Variants in ZHX3 observed in about 807,000 individuals in gnomAD.
The protein encoded by ZHX3 is zinc fingers and homeoboxes protein 3.
ZHX3 carries 20 observed loss-of-function variants against 64.5 expected under a neutral mutation model. That is an observed-to-expected ratio of 0.31 (90% CI 0.22 to 0.45). The LOEUF is 0.45. ZHX3 is among the 20% of genes least tolerant of loss of function. The probability of loss-of-function intolerance (pLI) is 1.00; values close to 1 mark genes in which losing one functional copy is unlikely to be tolerated. For synonymous variants in ZHX3, 423 were observed against 461.6 expected (o/e 0.92, Z 1.07); for missense variants, 1,041 against 1,195.8 (o/e 0.87, Z 1.91).
chr20:41,266,159 A>G (rs1488071276), intron 2 of ZHX3, among the ~76,000 whole-genome samples: 1 of 152,208 alleles, frequency 6.6e-6, no homozygotes, highest in Non-Finnish European at 1.5e-5. Context: ...TGTGCCTCTA[A>G]AAGTGAAAGA....
rs1288981471 is a variant in ZHX3 at position 41,200,934 on chromosome 20, G to T, written c.2860+1123C>A. Among the ~76,000 whole-genome samples, 1 of 152,186 alleles carries T rather than the reference G, an allele frequency of 6.6e-6. No individual in the cohort carries two copies. The highest frequency in any genetic ancestry group is 1.5e-5 in the Non-Finnish European group (1 of 68,030). On this transcript the variant is annotated intron_variant, in intron 3 of 3. Coordinates refer to ENST00000683867, the MANE Select transcript of ZHX3 (RefSeq NM_001384317.1). This position sits in a 1 kb window ranked among gnomAD's most constrained non-coding sequence, Gnocchi z 4.2. ...AGAAAAAGAATTTTGTCCTTTTTAA[G>T]ACATCCTAAGTAGAAAGCAACTGGG... is the stretch of plus-strand genomic sequence containing the variant.
intron 2 of ZHX3, among the ~76,000 whole-genome samples, chr20:41,218,931 T>G (rs1044454752): frequency 2.1e-5 from 3 of 144,436 alleles, no homozygotes; most frequent in Non-Finnish European, 4.6e-5. Flanking sequence ...CTGTTTTTTT[T>G]TTTTTTTTTT....
chr20:41,265,828 A>C (rs1341190771), intron 2 of ZHX3, among the ~76,000 whole-genome samples: 1 of 152,258 alleles, frequency 6.6e-6, no homozygotes, highest in East Asian at 1.9e-4. Context: ...GTAGAGAAAG[A>C]CTGCCATAAG....
chr20:41,287,853 G>A (rs528791617), intron 1 of ZHX3, among the ~76,000 whole-genome samples: 16 of 152,130 alleles, frequency 1.1e-4, no homozygotes, highest in Non-Finnish European at 2.2e-4. Context: ...ACAGGTATTT[G>A]TTGTTTTAAG....
intron 2 of ZHX3, among the ~76,000 whole-genome samples, chr20:41,253,443 C>T (rs1473563190): frequency 6.6e-6 from 1 of 151,950 alleles, no homozygotes; most frequent in Non-Finnish European, 1.5e-5. Flanking sequence ...TTCTTTTTTC[C>T]ATCTACTTCT....
chr20:41,275,126 C>G (rs1353803641), intron 1 of ZHX3, among the ~76,000 whole-genome samples: 8 of 151,914 alleles, frequency 5.3e-5, no homozygotes, highest in Non-Finnish European at 1.2e-4. Context: ...CCATTGCACT[C>G]CAGCCTGGGT....
intron 1 of ZHX3, among the ~76,000 whole-genome samples, chr20:41,272,634 G>A (rs937845495): frequency 6.6e-6 from 1 of 152,112 alleles, no homozygotes; most frequent in Non-Finnish European, 1.5e-5. Context: ...AACAATATGT[G>A]ACCTTTTCGG....
chr20:41,286,741 T>C (rs557906013), intron 1 of ZHX3, among the ~76,000 whole-genome samples: 36 of 152,362 alleles, frequency 2.4e-4, no homozygotes, highest in African/African-American at 8.2e-4. Flanking sequence ...CACAGAGTTT[T>C]GCTCTGTGTC....
At chr20:41,305,290 C>A (rs1031546716) in intron 1 of ZHX3, among the ~76,000 whole-genome samples, 1 of 152,130 alleles carries the variant, frequency 6.6e-6, no homozygotes, top group Non-Finnish European at 1.5e-5. Flanking sequence ...GAAGCCAATG[C>A]GGGTGGATTG....
intron 2 of ZHX3, among the ~76,000 whole-genome samples, chr20:41,220,909 G>A (rs964324251): frequency 2.6e-5 from 4 of 151,654 alleles, no homozygotes; most frequent in Admixed American, 2.0e-4. Flanking sequence ...GGCTGATCTT[G>A]AACTCCTGGA....
rs990999932 is a variant in ZHX3 at position 41,180,265 on chromosome 20, GCAA to G, written c.*4923_*4925del. The G allele has an allele frequency of 2.0e-5, 3 of 152,698 alleles. No homozygotes were observed. Among genetic ancestry groups the G allele is most frequent in the Admixed American group, 1.3e-4 (2 of 15,284 alleles). The allele number at this position is 152,698 out of a possible 1,614,324, so 9.5% of individuals were successfully genotyped here. ...TCAGGGCTGTGGAAGCTTTGGACCA[GCAA>G]CAACAAGCTAGTACCTATATGTTCT... On this transcript the variant is annotated 3_prime_UTR_variant, in exon 4 of 4. Transcript: ENST00000683867.
chr20:41,256,296 T>G (rs1306171894), intron 2 of ZHX3, among the ~76,000 whole-genome samples: 1 of 152,082 alleles, frequency 6.6e-6, no homozygotes, highest in Non-Finnish European at 1.5e-5. Flanking sequence ...TGTAATACAG[T>G]GCCTGGCATA....
intron 3 of ZHX3, among the ~76,000 whole-genome samples, chr20:41,191,369 T>C (rs2037004678): frequency 6.6e-6 from 1 of 152,234 alleles, no homozygotes; most frequent in South Asian, 2.1e-4. Flanking sequence ...CAGCATTTGC[T>C]TTTTTATGAC....
At chr20:41,273,875 A>C (rs1226582542) in intron 1 of ZHX3, among the ~76,000 whole-genome samples, 2 of 152,182 alleles carry the variant, frequency 1.3e-5, no homozygotes, top group Non-Finnish European at 2.9e-5. Flanking sequence ...CTATTTCTGC[A>C]AAAATAGGTA....
At chr20:41,309,243 A>T (rs1253529663) in intron 1 of ZHX3, among the ~76,000 whole-genome samples, 1 of 152,168 alleles carries the variant, frequency 6.6e-6, no homozygotes, top group Non-Finnish European at 1.5e-5. Context: ...CAAACTCTTA[A>T]GTGTCATGGG....
chr20:41,196,556 T>A (rs1313062134), intron 3 of ZHX3: 2 of 82,550 alleles, frequency 2.4e-5, no homozygotes, highest in African/African-American at 9.9e-5. Flanking sequence ...ATAATATATA[T>A]TATATATAAT....
Position 41,201,525 on chromosome 20 carries a change from T to G in ZHX3, c.2860+532A>C. The G allele has an allele frequency of 2.0e-6, 1 of 490,248 alleles. No homozygotes were observed. Among genetic ancestry groups the G allele is most frequent in the South Asian group, 1.9e-5 (1 of 52,236 alleles). 30.4% of individuals were successfully genotyped at this position (490,248 alleles called of 1,614,324 possible). On this transcript the variant is annotated intron_variant, in intron 3 of 3. Transcript: ENST00000683867. This position sits in a 1 kb window ranked among gnomAD's most constrained non-coding sequence, Gnocchi z 5.0. ...AACAAAATTCAAGCTTTTGATTCCA[T>G]GTATGTCAAAGAAGGAAGGTGATTT...
At position 41,202,423 on chromosome 20, in the gene ZHX3, G is replaced by A. The variant is rs1320639895; in HGVS notation, c.2494C>T (p.Arg832Ter). Residue 832 changes from arginine to a stop codon, truncating the protein, a stop_gained, in exon 3 of 4, where the codon CGA (arginine) becomes TGA (stop). Coordinates refer to ENST00000683867, the MANE Select transcript of ZHX3 (RefSeq NM_001384317.1). LOFTEE classifies it high-confidence loss of function. The surrounding 1 kb of genome is among the most constrained non-coding windows in gnomAD (Gnocchi z 7.0). Reference sequence around the variant, plus strand: ...AGTAGCCCTGGTGGGAAGTTGCCTCGCTTATAGTCTTCGTACCATTTGAGT... The same window carrying A: ...AGTAGCCCTGGTGGGAAGTTGCCTCACTTATAGTCTTCGTACCATTTGAGT... ...GQLKWYEDYK[R>*]GNFPPGLLVI... is the part of the protein sequence containing the mutation. 1 of 1,614,002 alleles carries A rather than the reference G, an allele frequency of 6.2e-7. No homozygotes were observed. The highest frequency in any genetic ancestry group is 1.3e-5 in the African/African-American group (1 of 74,892).
intron 2 of ZHX3, among the ~76,000 whole-genome samples, chr20:41,241,987 G>T (rs2041412551): frequency 1.3e-5 from 2 of 152,026 alleles, no homozygotes; most frequent in African/African-American, 2.4e-5. Flanking sequence ...CTCTGAGTGT[G>T]CATGTGTGTG....
Sources: gnomAD v4.1 joint callset for allele counts (sites outside exome capture counted in the v4.1 genomes callset) on GRCh38, gnomAD v4.1.1 for gene constraint, Gnocchi (gnomAD v3.1) non-coding constraint, MANE v1.5 for transcripts, NCBI Gene and HGNC (gene_info 2026-07-23, HGNC 2026-07-21) for gene names.